SLC9A9: variants seen among roughly 807,000 people sequenced by gnomAD.
SLC9A9 encodes the protein solute carrier family 9 member A9.
Under a neutral mutation model 77.8 loss-of-function variants are expected in SLC9A9, and 62 were observed. The ratio of observed to expected loss-of-function variants is 0.80; its 90% confidence interval spans 0.65 to 0.98. The LOEUF is 0.98. Ranked by LOEUF, SLC9A9 falls within the 50% of genes least tolerant of loss-of-function variation. The pLI is 0.00. For synonymous variants in SLC9A9, 320 were observed against 283.5 expected (o/e 1.13, Z -1.29); for missense variants, 775 against 774.9 (o/e 1.00, Z 0.00).
At chr3:143,373,634 C>G (rs112467228) in intron 13 of SLC9A9, among the ~76,000 whole-genome samples, 1 of 118,304 alleles carries the variant, frequency 8.5e-6, no homozygotes, top group Non-Finnish European at 1.9e-5. Context: ...AAAAAATAGC[C>G]ATTAAAAATT....
At chr3:143,844,713 CTTT>C (rs2009786179) in intron 1 of SLC9A9, among the ~76,000 whole-genome samples, 2 of 4,812 alleles carry the variant, frequency 4.2e-4, no homozygotes, top group African/African-American at 2.7e-3. Flanking sequence ...CTTTCTTTCT[CTTT>C]CTTTCTTTCT....
At chr3:143,305,897 A>G (rs1232634697) in intron 14 of SLC9A9, among the ~76,000 whole-genome samples, 2 of 152,248 alleles carry the variant, frequency 1.3e-5, no homozygotes, top group Non-Finnish European at 2.9e-5. Flanking sequence ...CAAGTGATGG[A>G]AAAGAATGCT....
At chr3:143,509,779 CA>C (rs112459054) in intron 9 of SLC9A9, among the ~76,000 whole-genome samples, 7 of 151,988 alleles carry the variant, frequency 4.6e-5, no homozygotes, top group Non-Finnish European at 1.0e-4. Flanking sequence ...AGTTTATCTG[CA>C]AAAAAATTAT....
At chr3:143,588,955 C>A (rs145920048) in intron 6 of SLC9A9, among the ~76,000 whole-genome samples, 2 of 151,934 alleles carry the variant, frequency 1.3e-5, no homozygotes, top group African/African-American at 4.8e-5. Context: ...CTGTCATATG[C>A]GAAATTTTAG....
At position 143,606,434 on chromosome 3, in the gene SLC9A9, C is replaced by CTATATATATATATA. The variant is rs1427549304; in HGVS notation, c.756-27712_756-27711insTATATATATATATA. On this transcript the variant is annotated intron_variant, in intron 6 of 15. Coordinates refer to ENST00000316549, the MANE Select transcript of SLC9A9 (RefSeq NM_173653.4). Reference sequence around the variant, plus strand: ...TCTCTCTCTCTCTCTCTCTCTCTCTCTCTATATATATATATATATATATAT... The same window carrying CTATATATATATATA: ...TCTCTCTCTCTCTCTCTCTCTCTCTCTATATATATATATATCTATATATATATATATATATATAT... 2.8e-3 allele frequency among the ~76,000 whole-genome samples: 146 copies of CTATATATATATATA among 52,930 alleles called. 1 individual carries two copies. The highest frequency in any genetic ancestry group is 3.8e-3 in the Non-Finnish European group (110 of 29,096). The allele number at this position is 52,930 out of a possible 152,430, so 34.7% of individuals were successfully genotyped here.
intron 4 of SLC9A9, among the ~76,000 whole-genome samples, chr3:143,739,116 C>T (rs1052748135): frequency 4.6e-5 from 7 of 152,110 alleles, no homozygotes; most frequent in African/African-American, 1.7e-4. Flanking sequence ...AGTTCCAACC[C>T]TCTAATCATG....
intron 12 of SLC9A9, among the ~76,000 whole-genome samples, chr3:143,439,472 G>T (rs1387271201): frequency 6.6e-6 from 1 of 151,460 alleles, no homozygotes; most frequent in African/African-American, 2.4e-5. Context: ...TGGAGAAGAA[G>T]TCACCACACT....
At chr3:143,398,423 G>A (rs138581611) in intron 12 of SLC9A9, among the ~76,000 whole-genome samples, 2 of 152,230 alleles carry the variant, frequency 1.3e-5, no homozygotes, top group Admixed American at 1.3e-4. Context: ...GGCAGGCAGC[G>A]GGTGAAAAGG....
At chr3:143,504,912 C>A (rs1397008672) in intron 9 of SLC9A9, among the ~76,000 whole-genome samples, 1 of 152,132 alleles carries the variant, frequency 6.6e-6, no homozygotes, top group Non-Finnish European at 1.5e-5. Flanking sequence ...TAGGCAGCCT[C>A]CCCATTGTAT....
intron 11 of SLC9A9, 84 bp from the exon 12 acceptor site, chr3:143,467,274 C>A: frequency 1.3e-6 from 2 of 1,505,112 alleles, no homozygotes; most frequent in East Asian, 4.8e-5. Flanking sequence ...AATTTGCTGA[C>A]ACAATTTTTT....
intron 6 of SLC9A9, among the ~76,000 whole-genome samples, chr3:143,624,490 T>C (rs1379945220): frequency 1.3e-5 from 2 of 152,112 alleles, no homozygotes; most frequent in Non-Finnish European, 2.9e-5. Context: ...TAATCCAGCA[T>C]ATAAACAAAA....
chr3:143,550,452 T>C (rs1241731928), intron 9 of SLC9A9, among the ~76,000 whole-genome samples: 1 of 152,216 alleles, frequency 6.6e-6, no homozygotes, highest in African/African-American at 2.4e-5. Flanking sequence ...GCCTCTGGAC[T>C]CTGGACTATG....
chr3:143,352,915 CTG>C (rs2032497523), intron 14 of SLC9A9, among the ~76,000 whole-genome samples: 1 of 152,206 alleles, frequency 6.6e-6, no homozygotes, highest in East Asian at 1.9e-4. Flanking sequence ...AAACAGGACT[CTG>C]TGGCTCTGTG....
chr3:143,367,400 C>T (rs1359781055), intron 13 of SLC9A9, among the ~76,000 whole-genome samples: 2 of 152,104 alleles, frequency 1.3e-5, no homozygotes, highest in East Asian at 1.9e-4. Context: ...ACATTTACAC[C>T]AATCCTAGAT....
rs574582502 is a variant in SLC9A9, at chr3:143,363,518, G to C, written c.1570C>G (p.Arg524Gly). Residue 524 changes from arginine (R) to glycine (G), a missense_variant, in exon 14 of 16, where the codon CGG becomes GGG. By Grantham distance (125) the Arg-to-Gly change is moderately radical (BLOSUM62 -2). Coordinates refer to ENST00000316549, the MANE Select transcript of SLC9A9 (RefSeq NM_173653.4). The stretch of plus-strand genomic sequence containing the variant: ...AAGCTATACCACATTCTGAAGAGCC[G>C]AGCACTCTCTGCTTTCGTCATGTTT... ...DKNMTKAESA[R>G]LFRMWYSFDH... 1.9e-6 allele frequency: 3 copies of C among 1,612,886 alleles called. No individual in the cohort carries two copies. In the African/African-American group the frequency reaches 4.0e-5, roughly 22 times the overall value.
chr3:143,577,926 G>A (rs2037388636), intron 7 of SLC9A9, among the ~76,000 whole-genome samples: 1 of 152,160 alleles, frequency 6.6e-6, no homozygotes, highest in Non-Finnish European at 1.5e-5. Context: ...CTATCTGAAT[G>A]TTCTAAGTGA....
intron 5 of SLC9A9, among the ~76,000 whole-genome samples, chr3:143,682,164 C>G (rs1933122021): frequency 6.6e-6 from 1 of 152,062 alleles, no homozygotes; most frequent in Admixed American, 6.6e-5. Context: ...CTCCTCTTTG[C>G]CTTAGGAAAA....
chr3:143,671,803 T>C (rs936738798), intron 5 of SLC9A9, among the ~76,000 whole-genome samples: 2 of 152,236 alleles, frequency 1.3e-5, no homozygotes, highest in African/African-American at 4.8e-5. Context: ...CTGTGCTCTC[T>C]AGAAGCCTGC....
intron 1 of SLC9A9, among the ~76,000 whole-genome samples, chr3:143,834,397 C>T (rs546857124): frequency 2.6e-5 from 4 of 152,156 alleles, no homozygotes; most frequent in East Asian, 1.9e-4. Context: ...TTTCAACACA[C>T]GTTGCTTAGA....
Sources: allele counts gnomAD v4.1 joint callset (sites outside exome capture counted in the v4.1 genomes callset), GRCh38; gene constraint gnomAD v4.1.1; transcripts MANE v1.5; gene names NCBI Gene and HGNC (gene_info 2026-07-23, HGNC 2026-07-21).